Variants in CEP162 observed in about 807,000 individuals in gnomAD.
The protein encoded by CEP162 is centrosomal protein of 162 kDa.
In CEP162, 141 loss-of-function variants were observed where a neutral mutation model predicts 169.2. The ratio of observed to expected loss-of-function variants is 0.83; its 90% CI spans 0.73 to 0.96. The LOEUF (loss-of-function observed/expected upper bound fraction) is 0.96. Ranked by LOEUF, CEP162 falls within the 40% of genes least tolerant of loss-of-function variation. The pLI, the probability that CEP162 is intolerant of heterozygous loss-of-function variation, is 0.00. For synonymous variants in CEP162, 540 were observed against 526.4 expected, an observed-to-expected ratio of 1.03 and a Z score of -0.35; for missense variants, 1,600 against 1,587.2, an observed-to-expected ratio of 1.01 and a Z score of -0.14.
At chr6:84,212,055 A>G (rs1481218185) in intron 6 of CEP162, among the ~76,000 whole-genome samples, 1 of 152,144 alleles carries the variant, frequency 6.6e-6, no homozygotes, top group Non-Finnish European at 1.5e-5. Context: ...AAAACACTAC[A>G]TAAAATTCTG....
chr6:84,196,342 G>A (rs1006704470), intron 9 of CEP162, among the ~76,000 whole-genome samples: 4 of 152,160 alleles, frequency 2.6e-5, no homozygotes, highest in Non-Finnish European at 4.4e-5. Flanking sequence ...CCATGATTGT[G>A]AGGATTCCCC....
intron 6 of CEP162, among the ~76,000 whole-genome samples, chr6:84,207,819 T>A (rs1400670965): frequency 6.6e-6 from 1 of 152,170 alleles, no homozygotes; most frequent in African/African-American, 2.4e-5. Context: ...TCTCTGAGTT[T>A]TATATTTTTA....
Position 84,174,750 on chromosome 6 carries a change from C to G in CEP162, c.2002G>C (p.Asp668His). ...ACCTTGGCTTGAAGAATATAATTAT[C>G]TTGATTCAATTTGAAGAGTTCTTTT... ...QEKELFKLNQDNYILQAKLSS... is the reference protein window; with the variant it reads ...QEKELFKLNQHNYILQAKLSS... The change falls in exon 15 of 27, where the codon GAT (aspartate) becomes CAT (histidine). Residue 668 changes from aspartate to histidine, a missense_variant. Physicochemically the swap from Asp to His is moderately conservative, Grantham distance 81. Transcript: ENST00000403245. The G allele has an allele frequency of 6.7e-7, 1 of 1,500,822 alleles. No homozygotes were observed. Among genetic ancestry groups the G allele is most frequent in the Non-Finnish European group, 9.1e-7 (1 of 1,093,940 alleles). 93.0% of individuals were successfully genotyped at this position (1,500,822 alleles called of 1,614,324 possible). A position where few individuals can be genotyped will look rare whatever the true frequency, so the allele number is the denominator to read the frequency against.
rs780671527 is a variant in CEP162, at chr6:84,135,435, G to T, written c.3871-8923C>A. On this transcript the variant is annotated intron_variant, in intron 25 of 26. Transcript: ENST00000403245. ...TCAGGTGCTGGAGTTCAAACAATCT[G>T]TGCGTAGCCCAGAGACAGACTGCTT... Among the ~76,000 whole-genome samples the T allele has an allele frequency of 4.3e-4, 66 of 152,306 alleles. No individual in the cohort carries two copies. In the Middle Eastern group the frequency reaches 0.017, roughly 39 times the overall value.
rs554817268 is a variant in CEP162, at chr6:84,200,472, T to C, written c.835+317A>G. Among the ~76,000 whole-genome samples the C allele has an allele frequency of 1.8e-4, 28 of 152,312 alleles. No individual in the cohort carries two copies. In the Middle Eastern group the frequency reaches 0.01, roughly 56 times the overall value. ...ACCAAAGTCCCATTTCTCCTACACA[T>C]GGCAGATTTAACTGAATACTCTGGA... On this transcript the variant is annotated intron_variant, in intron 9 of 26. Coordinates refer to ENST00000403245, the MANE Select transcript of CEP162 (RefSeq NM_014895.4).
intron 18 of CEP162, among the ~76,000 whole-genome samples, chr6:84,165,015 G>T (rs2129212125): frequency 6.6e-6 from 1 of 151,748 alleles, no homozygotes; most frequent in South Asian, 2.1e-4. Context: ...TTCCATTCTA[G>T]CCAGAGACCT....
intron 16 of CEP162, 131 bp from the exon 17 acceptor site, chr6:84,171,849 C>CT (rs1299851862): frequency 4.9e-6 from 2 of 405,760 alleles, no homozygotes; most frequent in African/African-American, 2.1e-5. Context: ...TATGTAAAGT[C>CT]TTTTTTAAAC....
At position 84,125,220 on chromosome 6, in the gene CEP162, T is replaced by A; in HGVS notation, c.4062A>T (p.Lys1354Asn). ...VETEQNKEVE[K>N]WKRLAQLKNR... Reference sequence around the variant, plus strand: ...TCTTTAACTGTGCCAGTCTTTTCCATTTTTCAACTTCTTTGTTTTGCTCAG... The same window carrying A: ...TCTTTAACTGTGCCAGTCTTTTCCAATTTTCAACTTCTTTGTTTTGCTCAG... Residue 1354 changes from lysine (K) to asparagine (N), a missense_variant, in exon 27 of 27, where the codon AAA (lysine) becomes AAT (asparagine). Physicochemically the swap from Lys to Asn is moderately conservative, Grantham distance 94. Coordinates refer to ENST00000403245, the MANE Select transcript of CEP162 (RefSeq NM_014895.4). The A allele has an allele frequency of 6.2e-7, 1 of 1,613,546 alleles. No homozygotes were observed. The highest frequency in any genetic ancestry group is 8.5e-7 in the Non-Finnish European group (1 of 1,179,636).
intron 25 of CEP162, 151 bp downstream of exon 25, chr6:84,146,536 A>T (rs1481264731): frequency 2.0e-5 from 9 of 452,988 alleles, no homozygotes; most frequent in Non-Finnish European, 7.8e-6. Context: ...GGGAAAGCAG[A>T]TTTTACATAA....
intron 17 of CEP162, 28 bp from the exon 18 acceptor site, chr6:84,169,461 T>C (rs779082101): frequency 1.8e-5 from 24 of 1,361,172 alleles, no homozygotes; most frequent in Middle Eastern, 1.8e-4. Flanking sequence ...TAAAAAGTTG[T>C]TTTTCTTTCT....
At chr6:84,135,841 C>T (rs186583777) in intron 25 of CEP162, among the ~76,000 whole-genome samples, 24 of 152,244 alleles carry the variant, frequency 1.6e-4, no homozygotes, top group South Asian at 8.3e-4. Flanking sequence ...CCAGCCTGGG[C>T]GACAACAGTA....
chr6:84,156,603 G>A (rs1292735476), intron 21 of CEP162, among the ~76,000 whole-genome samples: 2 of 152,088 alleles, frequency 1.3e-5, no homozygotes, highest in Non-Finnish European at 2.9e-5. Flanking sequence ...AAGGGAACAC[G>A]TGTACACTGT....
At chr6:84,190,954 T>G (rs1588841262) in intron 11 of CEP162, among the ~76,000 whole-genome samples, 2 of 152,324 alleles carry the variant, frequency 1.3e-5, no homozygotes, top group Middle Eastern at 6.8e-3. Flanking sequence ...GTGCTGGGAT[T>G]ACAGGCGTAA....
chr6:84,131,661 G>A (rs567625500), intron 25 of CEP162, among the ~76,000 whole-genome samples: 8 of 140,648 alleles, frequency 5.7e-5, no homozygotes, highest in East Asian at 1.9e-4. Flanking sequence ...GATTGCAACC[G>A]CTGCTTTTTT....
rs780305839 is a variant in CEP162 at position 84,186,427 on chromosome 6, T to C, written c.1306A>G (p.Thr436Ala). The change falls in exon 12 of 27, where the codon ACA becomes GCA. Residue 436 changes from threonine (T) to alanine (A), a missense_variant. Coordinates refer to ENST00000403245, the MANE Select transcript of CEP162 (RefSeq NM_014895.4). Reference sequence around the variant, plus strand: ...TACATTTTATCAACATGTTCTTCTGTGGCAGTTACTTCAGTTACTTGTGGA... The same window carrying C: ...TACATTTTATCAACATGTTCTTCTGCGGCAGTTACTTCAGTTACTTGTGGA... ...SCPQVTEVTATEEHVDKMYLN... is the reference protein window; with the variant it reads ...SCPQVTEVTAAEEHVDKMYLN... 4.4e-6 allele frequency: 7 copies of C among 1,602,650 alleles called. No homozygotes were observed. The East Asian group carries it at 8.9e-5, about 20-fold the overall frequency.
chr6:84,195,738 C>A (rs563109016), intron 9 of CEP162, among the ~76,000 whole-genome samples: 1 of 152,134 alleles, frequency 6.6e-6, no homozygotes, highest in Non-Finnish European at 1.5e-5. Context: ...CCAACTCTTG[C>A]GGTCTATAGT....
At chr6:84,142,406 A>ATG (rs907399374) in intron 25 of CEP162, among the ~76,000 whole-genome samples, 2 of 152,142 alleles carry the variant, frequency 1.3e-5, no homozygotes, top group Non-Finnish European at 1.5e-5. Context: ...ATCTATGTGT[A>ATG]TGTGTGTGTG....
chr6:84,215,674 T>C (rs747895264), intron 4 of CEP162, 102 bp downstream of exon 4: 61 of 1,426,240 alleles, frequency 4.3e-5, no homozygotes, highest in Non-Finnish European at 5.6e-5. Flanking sequence ...ATTAAATCTG[T>C]CTACATGCTT....
chr6:84,199,950 C>G (rs183982491), intron 9 of CEP162, among the ~76,000 whole-genome samples: 71 of 152,256 alleles, frequency 4.7e-4, no homozygotes, highest in Non-Finnish European at 6.6e-4. Flanking sequence ...TGAGAGAGTT[C>G]TACATAAGAT....
Sources: allele counts gnomAD v4.1 joint callset (sites outside exome capture counted in the v4.1 genomes callset), GRCh38; gene constraint gnomAD v4.1.1; transcripts MANE v1.5; gene names NCBI Gene and HGNC (gene_info 2026-07-23, HGNC 2026-07-21).